LIPC: variants seen among roughly 807,000 people sequenced by gnomAD.
The protein encoded by LIPC is lipase C, hepatic type.
In LIPC, 44 loss-of-function variants were observed where a neutral mutation model predicts 50.7. The observed-to-expected ratio is 0.87, with a 90% CI of 0.68 to 1.11. LIPC has a LOEUF of 1.11. LIPC is among the 50% of genes most tolerant of loss of function. LIPC has a pLI of 0.00. For missense variants in LIPC, 697 were observed against 648.2 expected, an observed-to-expected ratio of 1.08 and a Z score of -0.82; for synonymous variants, 271 against 256.4, an observed-to-expected ratio of 1.06 and a Z score of -0.54.
rs139766345 is a variant in LIPC at position 58,469,486 on chromosome 15, C to T, written c.88+37366C>T. The stretch of plus-strand genomic sequence containing the variant: ...GCTTGGGCTCAAAGCCATAGTGATG[C>T]TTTCTGCTCCACCCCCTTTCAATTA... On this transcript the variant is annotated intron_variant, in intron 1 of 8. Transcript: ENST00000299022. Among the ~76,000 whole-genome samples, 821 of 152,304 alleles carry T rather than the reference C, an allele frequency of 5.4e-3. 1 individual carries two copies. The highest frequency in any genetic ancestry group is 9.1e-3 in the Non-Finnish European group (621 of 68,024).
At chr15:58,564,416 G>C (rs1894287649) in intron 8 of LIPC, among the ~76,000 whole-genome samples, 1 of 151,992 alleles carries the variant, frequency 6.6e-6, no homozygotes, top group African/African-American at 2.4e-5. Flanking sequence ...CGAAGGAGCT[G>C]GGGTGGGGAG....
At chr15:58,449,047 T>G (rs574104) in intron 1 of LIPC, among the ~76,000 whole-genome samples, 21,459 of 151,572 alleles carry the variant, frequency 0.14, 1,710 homozygotes, top group African/African-American at 0.23. Flanking sequence ...AAGCGCTAGG[T>G]GCACACGACG....
At chr15:58,470,146 G>A (rs956410756) in intron 1 of LIPC, among the ~76,000 whole-genome samples, 4 of 152,042 alleles carry the variant, frequency 2.6e-5, no homozygotes, top group Non-Finnish European at 4.4e-5. Context: ...TGCCCAAGCT[G>A]GTCTCAAATT....
At chr15:58,481,600 C>G (rs1225142596) in intron 1 of LIPC, among the ~76,000 whole-genome samples, 4 of 152,178 alleles carry the variant, frequency 2.6e-5, no homozygotes, top group African/African-American at 9.7e-5. Context: ...GTCAGGAGTT[C>G]AAGACCAGCT....
chr15:58,516,178 G>A (rs1026420024), intron 1 of LIPC, among the ~76,000 whole-genome samples: 2 of 149,014 alleles, frequency 1.3e-5, no homozygotes, highest in Non-Finnish European at 3.0e-5. Context: ...CTGGGAAGAC[G>A]TCTATTGAAT....
intron 1 of LIPC, among the ~76,000 whole-genome samples, chr15:58,528,516 T>A (rs1240393767): frequency 2.0e-5 from 3 of 151,586 alleles, no homozygotes; most frequent in Admixed American, 2.0e-4. Flanking sequence ...GCTCGGTGCC[T>A]TTTTTTTTCT....
intron 1 of LIPC, among the ~76,000 whole-genome samples, chr15:58,438,124 G>C (rs879325502): frequency 3.9e-5 from 6 of 152,296 alleles, no homozygotes; most frequent in Non-Finnish European, 8.8e-5. Flanking sequence ...AAAGCCAAGA[G>C]AATCTGGTAC....
At position 58,496,743 on chromosome 15, in the gene LIPC, C is replaced by CAAAAAAAAAAAAAAAAAAAAAAAAA. The variant is rs10716717; in HGVS notation, c.89-41573_89-41572insAAAAAAAAAAAAAAAAAAAAAAAAA. Among the ~76,000 whole-genome samples, 222 of 114,124 alleles carry CAAAAAAAAAAAAAAAAAAAAAAAAA rather than the reference C, an allele frequency of 1.9e-3. 11 individuals carry two copies. The highest frequency in any genetic ancestry group is 3.3e-3 in the South Asian group (11 of 3,292). 74.9% of individuals were successfully genotyped at this position (114,124 alleles called of 152,430 possible). ...GCCCTGCTACAGAAGTCTTCCCCCT[C>CAAAAAAAAAAAAAAAAAAAAAAAAA]AAAAAAAAAAAAAAAAATTAAGATG... On this transcript the variant is annotated intron_variant, in intron 1 of 8. Coordinates refer to ENST00000299022, the MANE Select transcript of LIPC (RefSeq NM_000236.3).
At chr15:58,486,211 T>C (rs1262372921) in intron 1 of LIPC, among the ~76,000 whole-genome samples, 1 of 152,190 alleles carries the variant, frequency 6.6e-6, no homozygotes, top group Non-Finnish European at 1.5e-5. Flanking sequence ...CTTATCTGCC[T>C]GGAGAGTCCC....
At chr15:58,489,446 G>A (rs2140801237) in intron 1 of LIPC, among the ~76,000 whole-genome samples, 1 of 152,242 alleles carries the variant, frequency 6.6e-6, no homozygotes, top group Middle Eastern at 3.4e-3. Context: ...AGGATAGTTT[G>A]ATGTACAGGG....
In LIPC at chr15:58,480,949, G is replaced by A. The variant is rs181769464; in HGVS notation, c.88+48829G>A. On this transcript the variant is annotated intron_variant, in intron 1 of 8. Transcript: ENST00000299022. ...GCAGGTCCAGAGACTTCGGTTCCTGGTGATTTAAACAGCCCCTAGTCAAGA... is the reference window on the plus strand; with the variant it reads ...GCAGGTCCAGAGACTTCGGTTCCTGATGATTTAAACAGCCCCTAGTCAAGA... 3.9e-4 allele frequency among the ~76,000 whole-genome samples: 59 copies of A among 152,188 alleles called. 1 individual carries two copies. The highest frequency in any genetic ancestry group is 3.4e-3 in the Middle Eastern group (1 of 294).
At chr15:58,565,781 G>A (rs993058803) in intron 8 of LIPC, 8 of 986,856 alleles carry the variant, frequency 8.1e-6, no homozygotes, top group African/African-American at 1.7e-5. Flanking sequence ...ATTAACATAT[G>A]TATGCATCAA....
At chr15:58,495,331 A>G (rs530749745) in intron 1 of LIPC, among the ~76,000 whole-genome samples, 15 of 152,302 alleles carry the variant, frequency 9.8e-5, no homozygotes, top group African/African-American at 1.7e-4. Context: ...CCTGCCCTGC[A>G]GCTCCCTGCC....
At chr15:58,470,378 GTC>G (rs1331262316) in intron 1 of LIPC, among the ~76,000 whole-genome samples, 1 of 152,046 alleles carries the variant, frequency 6.6e-6, no homozygotes, top group African/African-American at 2.4e-5. Context: ...ATAGTAATAA[GTC>G]TAAGAAATTT....
chr15:58,490,824 C>T (rs544363851), intron 1 of LIPC, among the ~76,000 whole-genome samples: 45 of 152,192 alleles, frequency 3.0e-4, no homozygotes, highest in Middle Eastern at 3.4e-3. Flanking sequence ...CCACTGCCAG[C>T]CAGTTATTAG....
intron 1 of LIPC, among the ~76,000 whole-genome samples, chr15:58,506,080 G>C (rs528777639): frequency 6.6e-6 from 1 of 152,238 alleles, no homozygotes; most frequent in South Asian, 2.1e-4. Context: ...CTGTCTCTGT[G>C]GTGTGTGCCC....
In LIPC at chr15:58,563,621, T is replaced by A; in HGVS notation, c.1286T>A (p.Val429Asp). 1 of 1,614,202 alleles carries A rather than the reference T, an allele frequency of 6.2e-7. No individual in the cohort carries two copies. Among genetic ancestry groups the A allele is most frequent in the Non-Finnish European group, 8.5e-7 (1 of 1,180,012 alleles). The change falls in exon 8 of 9, where the codon GTC becomes GAC. Residue 429 changes from valine to aspartate, a missense_variant. Transcript: ENST00000299022. ...GAAAACAGTGCAGTGTGGGCCAATG[T>A]CTGGGACACGGTCCAGACCATCATC... Reference protein sequence around the residue: ...KWENSAVWANVWDTVQTIIPW... With the variant: ...KWENSAVWANDWDTVQTIIPW...
chr15:58,565,498 C>T, intron 8 of LIPC: 1 of 1,381,274 alleles, frequency 7.2e-7, no homozygotes, highest in East Asian at 2.6e-5. Context: ...AGCATTGAAG[C>T]AGGTGCTCCA....
At chr15:58,493,589 TATAA>T (rs1185270036) in intron 1 of LIPC, among the ~76,000 whole-genome samples, 3 of 142,802 alleles carry the variant, frequency 2.1e-5, no homozygotes, top group East Asian at 4.0e-4. Flanking sequence ...ATTTATTACG[TATAA>T]ATAAAATTTA....
Sources: gnomAD v4.1 joint callset for allele counts (sites outside exome capture counted in the v4.1 genomes callset) on GRCh38, gnomAD v4.1.1 for gene constraint, MANE v1.5 for transcripts, NCBI Gene and HGNC (gene_info 2026-07-23, HGNC 2026-07-21) for gene names.